MLIP: variants seen among roughly 807,000 people sequenced by gnomAD.
The protein encoded by MLIP is muscular LMNA-interacting protein.
Under a neutral mutation model 84.8 loss-of-function variants are expected in MLIP, and 79 were observed. The ratio of observed to expected loss-of-function variants is 0.93; its 90% CI spans 0.78 to 1.12. The LOEUF (loss-of-function observed/expected upper bound fraction) is 1.12, where lower values mean the gene tolerates loss of function less well. MLIP is among the 50% of genes most tolerant of loss of function. The pLI is 0.00. For synonymous variants in MLIP, 504 were observed against 463.0 expected, an observed-to-expected ratio of 1.09 and a Z score of -1.14; for missense variants, 1,257 against 1,160.6, an observed-to-expected ratio of 1.08 and a Z score of -1.21.
chr6:54,159,634 C>A lies in MLIP; in HGVS notation c.2290-733C>A, dbSNP rs78008855. Among the ~76,000 whole-genome samples the A allele has an allele frequency of 8.2e-3, 1,248 of 152,016 alleles. 17 individuals are homozygous for A. Among genetic ancestry groups the A allele is most frequent in the African/African-American group, 0.028 (1,161 of 41,498 alleles). On this transcript the variant is annotated intron_variant, in intron 5 of 13. Transcript: ENST00000502396. ...TAGTGAAAATTCAGCAACAACCCAG[C>A]AGACGTATTAGATGAGGAAACAGAG...
chr6:54,230,677 G>A, intron 11 of MLIP, 37 bp from the exon 12 acceptor site: 1 of 1,600,410 alleles, frequency 6.2e-7, no homozygotes, highest in Non-Finnish European at 8.6e-7. Context: ...ACTTTTTTAT[G>A]CTAACATCCT....
intron 5 of MLIP, among the ~76,000 whole-genome samples, chr6:54,154,610 C>T (rs1773825343): frequency 1.3e-5 from 2 of 152,212 alleles, no homozygotes; most frequent in South Asian, 2.1e-4. Flanking sequence ...CTCAGCCTTC[C>T]CTGTTCCGTA....
intron 1 of MLIP, among the ~76,000 whole-genome samples, chr6:54,023,844 A>AGAGC: frequency 6.6e-6 from 1 of 152,190 alleles, no homozygotes; most frequent in Non-Finnish European, 1.5e-5. Context: ...TGATAGGATT[A>AGAGC]CAGGCGAGAG....
intron 5 of MLIP, among the ~76,000 whole-genome samples, chr6:54,158,768 G>T (rs763108792): frequency 1.3e-5 from 2 of 151,974 alleles, no homozygotes; most frequent in South Asian, 4.1e-4. Flanking sequence ...AATTCAGAAC[G>T]TTTATCATGG....
chr6:54,019,510 G>C (rs1193769418), intron 1 of MLIP, among the ~76,000 whole-genome samples: 1 of 152,140 alleles, frequency 6.6e-6, no homozygotes, highest in African/African-American at 2.4e-5. Flanking sequence ...GTTTTATTAA[G>C]TTTAATGAAC....
intron 1 of MLIP, among the ~76,000 whole-genome samples, chr6:54,043,739 A>G (rs1370055019): frequency 6.6e-6 from 1 of 152,222 alleles, no homozygotes; most frequent in African/African-American, 2.4e-5. Flanking sequence ...TGGGAGTGAC[A>G]TGGGGGAAAC....
chr6:54,265,702 A>G (rs1445556483), intron 13 of MLIP, among the ~76,000 whole-genome samples: 1 of 152,118 alleles, frequency 6.6e-6, no homozygotes, highest in African/African-American at 2.4e-5. Flanking sequence ...GTAGGAGGCC[A>G]GAACTGCTCT....
At chr6:54,215,481 A>T in intron 11 of MLIP, 1 of 929,324 alleles carries the variant, frequency 1.1e-6, no homozygotes, top group Non-Finnish European at 1.4e-6. Context: ...ATTGCAGTAT[A>T]ATTGACAAAA....
At chr6:54,227,643 GC>G (rs2150791392) in intron 11 of MLIP, among the ~76,000 whole-genome samples, 1 of 152,214 alleles carries the variant, frequency 6.6e-6, no homozygotes, top group Admixed American at 6.5e-5. Context: ...AAATGGCTGG[GC>G]TTCTAAACCA....
chr6:54,158,111 G>A (rs899275209), intron 5 of MLIP, among the ~76,000 whole-genome samples: 2 of 152,076 alleles, frequency 1.3e-5, no homozygotes, highest in African/African-American at 4.8e-5. Context: ...TCTTGGTCAA[G>A]GCTAATAGTT....
intron 3 of MLIP, among the ~76,000 whole-genome samples, chr6:54,125,666 C>T (rs74951960): frequency 0.015 from 2,307 of 152,250 alleles, 64 homozygotes; most frequent in African/African-American, 0.051. Context: ...GGAATGCAGA[C>T]GCTGGCTTTG....
At chr6:54,185,811 T>C (rs1340623651) in intron 9 of MLIP, among the ~76,000 whole-genome samples, 1 of 152,198 alleles carries the variant, frequency 6.6e-6, no homozygotes, top group Non-Finnish European at 1.5e-5. Flanking sequence ...ACCTAAGATT[T>C]TAGAAGAAAT....
chr6:54,224,248 G>A (rs1780421358), intron 11 of MLIP, among the ~76,000 whole-genome samples: 1 of 151,808 alleles, frequency 6.6e-6, no homozygotes, highest in African/African-American at 2.4e-5. Context: ...AATACAAAAT[G>A]AGAAATAAAC....
chr6:54,263,851 T>C (rs1783535785), intron 13 of MLIP, among the ~76,000 whole-genome samples: 1 of 152,108 alleles, frequency 6.6e-6, no homozygotes, highest in Non-Finnish European at 1.5e-5. Flanking sequence ...TATAATAAAA[T>C]ACTGAGCCTT....
In MLIP at chr6:54,116,124, G is replaced by T. The variant is rs186248653; in HGVS notation, c.96+4549G>T. On this transcript the variant is annotated intron_variant, in intron 1 of 13. Coordinates refer to ENST00000502396, the MANE Select transcript of MLIP (RefSeq NM_001281747.2). ...TCTCATGGGCACTGACATGAACTGGGTTAAAAGGCGTGCTCATAAGGTCAT... is the reference window on the plus strand; with the variant it reads ...TCTCATGGGCACTGACATGAACTGGTTTAAAAGGCGTGCTCATAAGGTCAT... 5.3e-5 allele frequency among the ~76,000 whole-genome samples: 8 copies of T among 152,210 alleles called. No homozygotes were observed. The East Asian group carries it at 1.5e-3, about 29-fold the overall frequency.
In MLIP at chr6:54,027,374, TAC is replaced by T. The variant is rs70980886; in HGVS notation, c.63+8329_63+8330del. Among the ~76,000 whole-genome samples, 664 of 148,590 alleles carry T rather than the reference TAC, an allele frequency of 4.5e-3. 3 individuals are homozygous for T. Among genetic ancestry groups the T allele is most frequent in the African/African-American group, 0.015 (614 of 40,196 alleles). On this transcript the variant is annotated intron_variant, in intron 1 of 12. Transcript: ENST00000274897. The stretch of plus-strand genomic sequence containing the variant: ...ATGTTTTTATTTGGAATAAAAAAAA[TAC>T]ACACACACACACACACACACACACA...
intron 1 of MLIP, among the ~76,000 whole-genome samples, chr6:54,080,123 G>A (rs1022721906): frequency 1.3e-5 from 2 of 152,096 alleles, no homozygotes; most frequent in Non-Finnish European, 2.9e-5. Flanking sequence ...TCCTTCCCCA[G>A]AACTTTTCCA....
chr6:54,155,581 C>T (rs1773937599), intron 5 of MLIP, among the ~76,000 whole-genome samples: 1 of 152,040 alleles, frequency 6.6e-6, no homozygotes, highest in South Asian at 2.1e-4. Context: ...AGAACTTCAT[C>T]CTATATTTTA....
chr6:54,167,893 CTT>C (rs1775358780), intron 8 of MLIP, among the ~76,000 whole-genome samples: 1 of 151,750 alleles, frequency 6.6e-6, no homozygotes, highest in Non-Finnish European at 1.5e-5. Flanking sequence ...TCCTGGTTGA[CTT>C]TCTCTCTCTA....
Sources: allele counts gnomAD v4.1 joint callset (sites outside exome capture counted in the v4.1 genomes callset), GRCh38; gene constraint gnomAD v4.1.1; transcripts MANE v1.5; gene names NCBI Gene and HGNC (gene_info 2026-07-23, HGNC 2026-07-21).